CCDC158: variants seen among roughly 807,000 people sequenced by gnomAD.
CCDC158 encodes the protein coiled-coil domain containing 158, also known as coiled-coil domain-containing protein 158.
A neutral mutation model predicts 138.6 loss-of-function variants in CCDC158; 116 were observed. The observed-to-expected ratio is 0.84, with a 90% confidence interval of 0.72 to 0.98. CCDC158 has a LOEUF of 0.98. Ranked by LOEUF, CCDC158 falls within the 50% of genes least tolerant of loss-of-function variation. CCDC158 has a pLI of 0.00. For synonymous variants in CCDC158, 436 were observed against 442.4 expected, an observed-to-expected ratio of 0.99 and a Z score of 0.18; for missense variants, 1,265 against 1,306.1, an observed-to-expected ratio of 0.97 and a Z score of 0.48.
At chr4:76,347,794 T>A (rs1388330460) in intron 18 of CCDC158, among the ~76,000 whole-genome samples, 2 of 152,072 alleles carry the variant, frequency 1.3e-5, no homozygotes, top group Admixed American at 6.6e-5. Context: ...GACTCAATTA[T>A]TTAAAGAGGA....
chr4:76,328,962 G>A lies in CCDC158; in HGVS notation c.2948C>T (p.Pro983Leu), dbSNP rs1017120319. The change falls in exon 22 of 25, where the codon CCA becomes CTA. Residue 983 changes from proline (P) to leucine (L), a missense_variant. Coordinates refer to ENST00000682701, the MANE Select transcript of CCDC158 (RefSeq NM_001394954.1). ...SKSSETLSRE[P>L]VTLHAGDRED... ...CCTGTCTCCTGCGTGTAATGTGACT[G>A]GCTCTCTGGAAGCATAAGAATGGTA... 1 of 1,613,272 alleles carries A rather than the reference G, an allele frequency of 6.2e-7. No homozygotes were observed. The highest frequency in any genetic ancestry group is 8.5e-7 in the Non-Finnish European group (1 of 1,179,272).
At chr4:76,399,218 A>T (rs1728109866) in intron 3 of CCDC158, among the ~76,000 whole-genome samples, 1 of 152,170 alleles carries the variant, frequency 6.6e-6, no homozygotes, top group Non-Finnish European at 1.5e-5. Flanking sequence ...GGTATATAAG[A>T]TGTTCACTGT....
chr4:76,381,960 C>T (rs954146478), intron 8 of CCDC158, among the ~76,000 whole-genome samples: 7 of 152,104 alleles, frequency 4.6e-5, no homozygotes, highest in South Asian at 2.1e-4. Flanking sequence ...GGAATATAGG[C>T]GTAAGCCACC....
intron 24 of CCDC158, 33 bp downstream of exon 24, chr4:76,323,269 C>T (rs374833359): frequency 3.4e-5 from 50 of 1,458,442 alleles, no homozygotes; most frequent in Non-Finnish European, 3.3e-5. Context: ...TTCTCATGAG[C>T]GAGGAAGATC....
At chr4:76,388,553 TC>T (rs1365165637) in intron 4 of CCDC158, among the ~76,000 whole-genome samples, 1 of 152,082 alleles carries the variant, frequency 6.6e-6, no homozygotes, top group Admixed American at 6.5e-5. Flanking sequence ...GTGGTTTGAG[TC>T]AGCTTAGCCG....
At position 76,379,302 on chromosome 4, in the gene CCDC158, C is replaced by T; in HGVS notation, c.1017G>A (p.Met339Ile). The T allele has an allele frequency of 2.5e-6, 4 of 1,601,760 alleles. No individual in the cohort carries two copies. The highest frequency in any genetic ancestry group is 1.3e-5 in the African/African-American group (1 of 74,758). The change falls in exon 9 of 25, where the codon ATG becomes ATA. Residue 339 changes from methionine (M) to isoleucine (I), a missense_variant. Physicochemically the swap from Met to Ile is conservative, Grantham distance 10. Coordinates refer to ENST00000682701, the MANE Select transcript of CCDC158 (RefSeq NM_001394954.1). ...LRSELREAKR[M>I]YEDKTEELEK... ...AACCTAAACTCACCTTGTCTTCATA[C>T]ATCCTTTTGGCTTCCCTTAATTCAG...
chr4:76,406,211 A>C (rs1728812549), intron 2 of CCDC158, among the ~76,000 whole-genome samples: 1 of 152,208 alleles, frequency 6.6e-6, no homozygotes, highest in East Asian at 1.9e-4. Context: ...ATACCAGACT[A>C]AGTTGTCTTC....
At chr4:76,359,411 A>G (rs773802844) in intron 13 of CCDC158, among the ~76,000 whole-genome samples, 1 of 152,062 alleles carries the variant, frequency 6.6e-6, no homozygotes, top group Non-Finnish European at 1.5e-5. Flanking sequence ...AGAGATCAGA[A>G]GAAGACAGGA....
intron 15 of CCDC158, among the ~76,000 whole-genome samples, chr4:76,355,007 T>TA (rs1436273512): frequency 1.4e-4 from 22 of 152,354 alleles, no homozygotes; most frequent in Admixed American, 3.3e-4. Flanking sequence ...CTGTGGTTTT[T>TA]ATTACACAAT....
At chr4:76,315,289 C>A (rs1290469835) in intron 24 of CCDC158, among the ~76,000 whole-genome samples, 2 of 152,160 alleles carry the variant, frequency 1.3e-5, no homozygotes, top group African/African-American at 2.4e-5. Flanking sequence ...GAGCTCAGAC[C>A]CACCTAACTC....
chr4:76,361,305 G>A (rs1400091602), intron 13 of CCDC158, among the ~76,000 whole-genome samples: 1 of 152,220 alleles, frequency 6.6e-6, no homozygotes, highest in Non-Finnish European at 1.5e-5. Context: ...GCTCATGCCT[G>A]TAATCCCAGC....
intron 22 of CCDC158, among the ~76,000 whole-genome samples, chr4:76,327,555 C>A (rs1720640447): frequency 6.6e-6 from 1 of 152,062 alleles, no homozygotes; most frequent in East Asian, 1.9e-4. Context: ...ATTTATTTAT[C>A]TAAATATGTC....
intron 11 of CCDC158, among the ~76,000 whole-genome samples, 168 bp downstream of exon 11, chr4:76,369,258 A>G (rs533995443): frequency 6.6e-6 from 1 of 152,198 alleles, no homozygotes; most frequent in Non-Finnish European, 1.5e-5. Flanking sequence ...AAATAAAATG[A>G]AAAATAAGTA....
rs184735210 is a variant in CCDC158, at chr4:76,332,540, T to C, written c.2823-49A>G. On this transcript the variant is annotated intron_variant, in intron 19 of 24. Coordinates refer to ENST00000682701, the MANE Select transcript of CCDC158 (RefSeq NM_001394954.1). ...GTTAATCATATAAAGCACAATTTCA[T>C]CCATGTCTTTTTTAGACTAATCAAT... 8 of 1,387,768 alleles carry C rather than the reference T, an allele frequency of 5.8e-6. No homozygotes were observed. In the African/African-American group the frequency reaches 1.0e-4, roughly 18 times the overall value. 86.0% of individuals were successfully genotyped at this position (1,387,768 alleles called of 1,614,324 possible). A position where few individuals can be genotyped will look rare whatever the true frequency, so the allele number is the denominator to read the frequency against.
intron 3 of CCDC158, 27 bp from the exon 4 acceptor site, chr4:76,396,513 A>G: frequency 6.4e-7 from 1 of 1,558,088 alleles, no homozygotes; most frequent in East Asian, 2.3e-5. Context: ...TCATTAATTA[A>G]CTTTTCGTTT....
intron 4 of CCDC158, among the ~76,000 whole-genome samples, chr4:76,392,961 T>C (rs1727444911): frequency 6.6e-6 from 1 of 151,794 alleles, no homozygotes; most frequent in African/African-American, 2.4e-5. Context: ...AACTATAAAA[T>C]GCTGATGAAA....
In CCDC158 at chr4:76,408,078, TTTA is replaced by T. The variant is rs1034073530; in HGVS notation, c.-74+4009_-74+4011del. ...TTTTTTAAATTTTTAATTAAAAAATTTTATTATTATTATTTTTTACTGCTCCTT... is the reference window on the plus strand; with the variant it reads ...TTTTTTAAATTTTTAATTAAAAAATTTTATTATTATTTTTTACTGCTCCTT... On this transcript the variant is annotated intron_variant, in intron 2 of 24. Coordinates refer to ENST00000682701, the MANE Select transcript of CCDC158 (RefSeq NM_001394954.1). Among the ~76,000 whole-genome samples the T allele has an allele frequency of 4.9e-4, 74 of 151,288 alleles. 1 individual carries two copies. Among genetic ancestry groups the T allele is most frequent in the South Asian group, 1.0e-3 (5 of 4,800 alleles).
chr4:76,353,236 A>C lies in CCDC158; in HGVS notation c.2332T>G (p.Leu778Val). 5.0e-6 allele frequency: 8 copies of C among 1,612,090 alleles called. No individual in the cohort carries two copies. The highest frequency in any genetic ancestry group is 6.8e-6 in the Non-Finnish European group (8 of 1,179,218). ...TTTTTTTCTGTGGCAACAGTACTCA[A>C]TTCCTGACTGAGTTTACTTTTCTCT... The part of the protein sequence containing the change: ...KEEKSKLSQE[L>V]STVATEKNKM... Residue 778 changes from leucine to valine, a missense_variant, in exon 16 of 25, where the codon TTG becomes GTG. By Grantham distance (32) the Leu-to-Val change is conservative (BLOSUM62 1). Transcript: ENST00000682701.
Position 76,420,982 on chromosome 4 carries a change from T to A in CCDC158, c.-134A>T, listed in dbSNP as rs1199360267. 6.6e-6 allele frequency among the ~76,000 whole-genome samples: 1 copy of A among 151,870 alleles called. No individual in the cohort carries two copies. On this transcript the variant is annotated 5_prime_UTR_variant, in exon 1 of 25. Transcript: ENST00000682701. ...GCTTGTACCTGCAACCAACACCTAA[T>A]CCTAAGACACCGGCCACATCTCCGC...
Sources: allele counts gnomAD v4.1 joint callset (sites outside exome capture counted in the v4.1 genomes callset), GRCh38; gene constraint gnomAD v4.1.1; transcripts MANE v1.5; gene names NCBI Gene and HGNC (gene_info 2026-07-23, HGNC 2026-07-21).